Variants in IL16 observed in about 807,000 individuals in gnomAD.
IL16 encodes interleukin 16.
In IL16, 67 loss-of-function variants were observed where a neutral mutation model predicts 110.1. The ratio of observed to expected loss-of-function variants is 0.61; its 90% CI spans 0.50 to 0.75. The LOEUF (loss-of-function observed/expected upper bound fraction) is 0.75. Ranked by LOEUF, IL16 falls within the 30% of genes least tolerant of loss-of-function variation. The pLI is 0.00. For missense variants in IL16, 1,545 were observed against 1,655.0 expected (o/e 0.93, Z 1.15); for synonymous variants, 689 against 662.9 (o/e 1.04, Z -0.61).
upstream of IL16, among the ~76,000 whole-genome samples, chr15:81,195,725 A>G (rs1281961066): frequency 6.6e-6 from 1 of 152,214 alleles, no homozygotes; most frequent in Non-Finnish European, 1.5e-5. Context: ...GTTGGGAAAC[A>G]TTCCATTCTT....
At chr15:81,210,727 G>A (rs975495304) in intron 1 of IL16, among the ~76,000 whole-genome samples, 9 of 152,196 alleles carry the variant, frequency 5.9e-5, no homozygotes, top group African/African-American at 2.2e-4. Flanking sequence ...TTGTTTATCA[G>A]TTCTAGCAGA....
Position 81,242,832 on chromosome 15 carries a change from GT to G in IL16, c.313-16936del, listed in dbSNP as rs1274671657. 3.3e-5 allele frequency among the ~76,000 whole-genome samples: 5 copies of G among 151,854 alleles called. No individual in the cohort carries two copies. In the East Asian group the frequency reaches 7.7e-4, roughly 24 times the overall value. On this transcript the variant is annotated intron_variant, in intron 2 of 18. Transcript: ENST00000683961. Reference sequence around the variant, plus strand: ...CGTTTAGTTTTCATTATTAATTATGGTTTTAGCCACAGGTTTTTTGCAGATG... The same window carrying G: ...CGTTTAGTTTTCATTATTAATTATGGTTTAGCCACAGGTTTTTTGCAGATG...
At chr15:81,200,650 C>T (rs892174234) in intron 1 of IL16, among the ~76,000 whole-genome samples, 25 of 152,158 alleles carry the variant, frequency 1.6e-4, no homozygotes, top group African/African-American at 5.6e-4. Flanking sequence ...GAATTAAAGT[C>T]GTGAGCCACC....
At chr15:81,200,945 C>T (rs1895788086) in intron 1 of IL16, among the ~76,000 whole-genome samples, 1 of 152,150 alleles carries the variant, frequency 6.6e-6, no homozygotes, top group Non-Finnish European at 1.5e-5. Flanking sequence ...GTGGCCCAGT[C>T]TTATGCGCTT....
At chr15:81,229,794 G>A (rs1199210868) in intron 2 of IL16, among the ~76,000 whole-genome samples, 1 of 152,096 alleles carries the variant, frequency 6.6e-6, no homozygotes, top group African/African-American at 2.4e-5. Context: ...CGCCAGAGTG[G>A]CCCTGCACCC....
chr15:81,269,052 G>A (rs1460532147), intron 4 of IL16, among the ~76,000 whole-genome samples: 1 of 152,288 alleles, frequency 6.6e-6, no homozygotes, highest in Non-Finnish European at 1.5e-5. Flanking sequence ...AGTTAAGCCT[G>A]TCTGCCTACC....
At chr15:81,268,798 A>G (rs970355599) in intron 4 of IL16, among the ~76,000 whole-genome samples, 1 of 152,268 alleles carries the variant, frequency 6.6e-6, no homozygotes, top group Non-Finnish European at 1.5e-5. Context: ...AAGCACTCGC[A>G]TAGATTTATT....
At chr15:81,218,649 T>A (rs1016205192) in intron 1 of IL16, among the ~76,000 whole-genome samples, 3 of 152,170 alleles carry the variant, frequency 2.0e-5, no homozygotes, top group Non-Finnish European at 4.4e-5. Flanking sequence ...GTAAATATCA[T>A]CCCCCAGCAC....
In IL16 at chr15:81,273,097, G is replaced by A. The variant is rs1206382702; in HGVS notation, c.683G>A (p.Gly228Asp). ...TTCTCTTTTTTTCCCCAGGGTCTGG[G>A]CTTCAGCATCGTTGGGGGAAAAGAC... ...VLMKGQAKGLGFSIVGGKDSI... is the reference protein window; with the variant it reads ...VLMKGQAKGLDFSIVGGKDSI... Residue 228 changes from glycine (G) to aspartate (D), a missense_variant, in exon 6 of 19, where the codon GGC becomes GAC. Physicochemically the swap from Gly to Asp is moderately conservative, Grantham distance 94. Coordinates refer to ENST00000683961, the MANE Select transcript of IL16 (RefSeq NM_172217.5). The A allele has an allele frequency of 1.2e-6, 2 of 1,612,788 alleles. No homozygotes were observed. The highest frequency in any genetic ancestry group is 2.2e-5 in the East Asian group (1 of 44,812).
At chr15:81,184,643 C>T (rs932051313) in intron 1 of IL16, among the ~76,000 whole-genome samples, 4 of 152,170 alleles carry the variant, frequency 2.6e-5, no homozygotes, top group East Asian at 3.8e-4. Flanking sequence ...GGAGCTTATC[C>T]GGGCGATGCC....
At chr15:81,239,703 C>T (rs1005048842) in intron 2 of IL16, among the ~76,000 whole-genome samples, 1 of 152,180 alleles carries the variant, frequency 6.6e-6, no homozygotes, top group Non-Finnish European at 1.5e-5. Context: ...GCTGGGATTC[C>T]CCACTAGGTC....
At chr15:81,226,859 C>T (rs540876421) in intron 2 of IL16, among the ~76,000 whole-genome samples, 1 of 152,242 alleles carries the variant, frequency 6.6e-6, no homozygotes, top group South Asian at 2.1e-4. Context: ...AACTGAGAGT[C>T]AAATTTATTA....
rs1365081165 is a variant in IL16, at chr15:81,311,051, T to C, written c.*2253T>C. 6.6e-6 allele frequency: 1 copy of C among 152,166 alleles called. No individual in the cohort carries two copies. Among genetic ancestry groups the C allele is most frequent in the African/African-American group, 2.4e-5 (1 of 41,418 alleles). The allele number at this position is 152,166 out of a possible 1,614,324, so 9.4% of individuals were successfully genotyped here. ...CTCTAGGCTGGGGAAGTCCTCTGGG[T>C]AGGAATCAGCAAGAAGATCCTAAAA... On this transcript the variant is annotated 3_prime_UTR_variant, in exon 19 of 19. Transcript: ENST00000683961.
intron 2 of IL16, among the ~76,000 whole-genome samples, chr15:81,238,374 A>C (rs372571936): frequency 4.6e-5 from 7 of 152,086 alleles, no homozygotes; most frequent in Non-Finnish European, 8.8e-5. Flanking sequence ...CATTTTAAAG[A>C]GTTCCACTTT....
intron 2 of IL16, among the ~76,000 whole-genome samples, chr15:81,253,706 T>TA (rs1175770768): frequency 2.6e-5 from 4 of 152,354 alleles, no homozygotes; most frequent in African/African-American, 9.6e-5. Flanking sequence ...GCACTATTTG[T>TA]AAAATATATT....
chr15:81,293,439 A>T (rs1899836724), intron 12 of IL16, among the ~76,000 whole-genome samples: 1 of 152,214 alleles, frequency 6.6e-6, no homozygotes, highest in Non-Finnish European at 1.5e-5. Flanking sequence ...ACGGTGGCTC[A>T]TGCCTGTAAT....
Position 81,188,476 on chromosome 15 carries a change from C to T in IL16, c.40+5580C>T. 2.4e-5 allele frequency: 11 copies of T among 454,780 alleles called. 1 individual carries two copies. The highest frequency in any genetic ancestry group is 1.7e-4 in the South Asian group (11 of 64,486). 28.2% of individuals were successfully genotyped at this position (454,780 alleles called of 1,614,324 possible). On this transcript the variant is annotated intron_variant, in intron 1 of 18. Coordinates refer to the IL16 transcript ENST00000302987. The stretch of plus-strand genomic sequence containing the variant: ...ATAAGTCTTATAATAACCCATTTTA[C>T]AGATGAGGAAGCTGATGCTCAGAAA...
At chr15:81,308,072 G>A (rs1479150238) in intron 18 of IL16, among the ~76,000 whole-genome samples, 3 of 152,174 alleles carry the variant, frequency 2.0e-5, no homozygotes, top group Non-Finnish European at 2.9e-5. Flanking sequence ...TTGCAGCTTT[G>A]AAATAGTGGG....
In IL16 at chr15:81,312,526, C is replaced by G. The variant is rs576590695; in HGVS notation, c.*3728C>G. On this transcript the variant is annotated 3_prime_UTR_variant, in exon 19 of 19. Coordinates refer to ENST00000683961, the MANE Select transcript of IL16 (RefSeq NM_172217.5). ...TGAGTGCGTGCTCAGTTCAGAATCA[C>G]TTCTGAGAACTCATCCCTAATGCTG... is the stretch of plus-strand genomic sequence containing the variant. The G allele has an allele frequency of 1.3e-5, 2 of 152,370 alleles. No individual in the cohort carries two copies. The highest frequency in any genetic ancestry group is 4.8e-5 in the African/African-American group (2 of 41,568). 9.4% of individuals were successfully genotyped at this position (152,370 alleles called of 1,614,324 possible). A position where few individuals can be genotyped will look rare whatever the true frequency, so the allele number is the denominator to read the frequency against.
Sources: gnomAD v4.1 joint callset for allele counts (sites outside exome capture counted in the v4.1 genomes callset) on GRCh38, gnomAD v4.1.1 for gene constraint, MANE v1.5 for transcripts, NCBI Gene and HGNC (gene_info 2026-07-23, HGNC 2026-07-21) for gene names.